Variants in CEP112 observed in about 807,000 individuals in gnomAD.
CEP112 encodes centrosomal protein 112.
CEP112 carries 127 observed loss-of-function variants against 153.0 expected under a neutral mutation model. The ratio of observed to expected loss-of-function variants is 0.83; its 90% CI spans 0.72 to 0.96. CEP112 has a LOEUF of 0.96. Among genes scored for constraint, CEP112 ranks in the 40% least tolerant of loss-of-function variants. The pLI is 0.00. For missense variants in CEP112, 1,089 were observed against 1,101.2 expected (o/e 0.99, Z 0.16); for synonymous variants, 358 against 374.4 (o/e 0.96, Z 0.51).
Position 66,168,289 on chromosome 17 carries a change from A to T in CEP112, c.470+6755T>A, listed in dbSNP as rs528429687. 7.2e-5 allele frequency among the ~76,000 whole-genome samples: 11 copies of T among 152,218 alleles called. No homozygotes were observed. In the East Asian group the frequency reaches 2.1e-3, roughly 29 times the overall value. On this transcript the variant is annotated intron_variant, in intron 4 of 26. Transcript: ENST00000535342. Reference sequence around the variant, plus strand: ...CACATATGTATCCACAGAGCCTCTAAAACACATATACACAAACACAAACGG... The same window carrying T: ...CACATATGTATCCACAGAGCCTCTATAACACATATACACAAACACAAACGG...
intron 4 of CEP112, among the ~76,000 whole-genome samples, chr17:66,164,329 G>C (rs895265132): frequency 2.1e-5 from 3 of 145,610 alleles, no homozygotes; most frequent in Non-Finnish European, 3.0e-5. Context: ...AGGCCAAGGC[G>C]GGAGGACCAT....
chr17:66,074,600 C>T (rs1245466112), intron 8 of CEP112, among the ~76,000 whole-genome samples: 3 of 152,108 alleles, frequency 2.0e-5, no homozygotes, highest in African/African-American at 7.2e-5. Context: ...CATGGTGGCT[C>T]ACACCTGTAA....
chr17:65,847,206 C>T (rs1180831143), intron 21 of CEP112, among the ~76,000 whole-genome samples: 1 of 152,116 alleles, frequency 6.6e-6, no homozygotes, highest in Non-Finnish European at 1.5e-5. Flanking sequence ...GTACCTCTAC[C>T]CATGTCAGCT....
At chr17:65,689,321 T>C in intron 23 of CEP112, 103 bp from the exon 24 acceptor site, 1 of 733,516 alleles carries the variant, frequency 1.4e-6, no homozygotes, top group Non-Finnish European at 2.3e-6. Flanking sequence ...CTCTAGTTTA[T>C]TACTCTTGTT....
chr17:65,701,120 A>G (rs535720329), intron 23 of CEP112, among the ~76,000 whole-genome samples: 1 of 152,340 alleles, frequency 6.6e-6, no homozygotes, highest in African/African-American at 2.4e-5. Flanking sequence ...GCCATGTAGT[A>G]TCACGTGGGA....
At chr17:65,760,703 A>G (rs2052560501) in intron 21 of CEP112, among the ~76,000 whole-genome samples, 1 of 151,796 alleles carries the variant, frequency 6.6e-6, no homozygotes, top group African/African-American at 2.4e-5. Flanking sequence ...TGGTTAATAG[A>G]TTTTTTTTCT....
intron 6 of CEP112, among the ~76,000 whole-genome samples, chr17:66,118,336 A>C (rs1046376086): frequency 6.6e-6 from 1 of 152,186 alleles, no homozygotes; most frequent in Non-Finnish European, 1.5e-5. Flanking sequence ...TGGATAAAGA[A>C]AACATGGTAT....
chr17:65,647,996 A>G (rs550497656), intron 24 of CEP112, among the ~76,000 whole-genome samples: 440 of 152,336 alleles, frequency 2.9e-3, no homozygotes, highest in African/African-American at 9.9e-3. Context: ...ATTCAAGATC[A>G]AAATTTTTAC....
chr17:65,964,177 T>C (rs1190507395), intron 17 of CEP112, among the ~76,000 whole-genome samples: 1 of 152,246 alleles, frequency 6.6e-6, no homozygotes, highest in Non-Finnish European at 1.5e-5. Context: ...TTGTTCACCA[T>C]GTTTCTTACA....
intron 23 of CEP112, among the ~76,000 whole-genome samples, chr17:65,710,985 A>G (rs2049153665): frequency 6.6e-6 from 1 of 152,216 alleles, no homozygotes; most frequent in Non-Finnish European, 1.5e-5. Context: ...ATGACAGTCA[A>G]CTGCTTGTCA....
At chr17:65,989,314 T>C (rs1210748214) in intron 17 of CEP112, among the ~76,000 whole-genome samples, 4 of 148,330 alleles carry the variant, frequency 2.7e-5, no homozygotes, top group Non-Finnish European at 4.5e-5. Flanking sequence ...CCAAGGCCTA[T>C]AAACATTGGG....
intron 16 of CEP112, among the ~76,000 whole-genome samples, chr17:66,023,550 T>C (rs1201511351): frequency 1.3e-5 from 2 of 152,178 alleles, no homozygotes; most frequent in Non-Finnish European, 2.9e-5. Context: ...AGGCTGGTTC[T>C]ATAATAAATG....
At chr17:66,100,377 A>G (rs10853077) in intron 6 of CEP112, among the ~76,000 whole-genome samples, 146,694 of 146,932 alleles carry the variant, frequency 1, 73,229 homozygotes, top group Middle Eastern at 1. Flanking sequence ...TCCAGCCTGG[A>G]CAACAGAGTG....
chr17:65,887,953 C>A (rs147511832), intron 20 of CEP112, among the ~76,000 whole-genome samples: 1 of 152,082 alleles, frequency 6.6e-6, no homozygotes, highest in Non-Finnish European at 1.5e-5. Flanking sequence ...TTGCCTTAAG[C>A]GTCTTTCTAC....
chr17:66,024,210 T>A (rs1325410567), intron 16 of CEP112, among the ~76,000 whole-genome samples: 1 of 152,052 alleles, frequency 6.6e-6, no homozygotes, highest in Non-Finnish European at 1.5e-5. Flanking sequence ...ACAGCCAACA[T>A]CACGATAAAC....
At chr17:66,078,186 T>C (rs1050017912) in intron 8 of CEP112, among the ~76,000 whole-genome samples, 3 of 152,066 alleles carry the variant, frequency 2.0e-5, no homozygotes, top group African/African-American at 7.2e-5. Flanking sequence ...CTGTAAGTAT[T>C]TGGGTTTATT....
At chr17:65,850,948 T>A (rs2057910360) in intron 21 of CEP112, among the ~76,000 whole-genome samples, 1 of 152,210 alleles carries the variant, frequency 6.6e-6, no homozygotes, top group South Asian at 2.1e-4. Flanking sequence ...TCAAATTAAT[T>A]AAAGTACAAT....
At chr17:65,637,349 C>T (rs1335533255) in intron 25 of CEP112, among the ~76,000 whole-genome samples, 161 bp from the exon 26 acceptor site, 1 of 152,174 alleles carries the variant, frequency 6.6e-6, no homozygotes, top group Non-Finnish European at 1.5e-5. Context: ...TGGTCACATC[C>T]CATCCTTATT....
intron 23 of CEP112, among the ~76,000 whole-genome samples, chr17:65,716,168 G>GT (rs2049500922): frequency 1.4e-5 from 2 of 146,786 alleles, no homozygotes; most frequent in African/African-American, 5.1e-5. Flanking sequence ...TTTTTTTTTT[G>GT]TTTTTTGAGA....
Sources: allele counts gnomAD v4.1 joint callset (sites outside exome capture counted in the v4.1 genomes callset), GRCh38; gene constraint gnomAD v4.1.1; transcripts MANE v1.5; gene names NCBI Gene and HGNC (gene_info 2026-07-23, HGNC 2026-07-21).